The following NTM variants were observed in gnomAD, a reference collection of about 807,000 sequenced individuals.
NTM encodes neurotrimin.
Under a neutral mutation model 42.1 loss-of-function variants are expected in NTM, and 13 were observed. That is an observed-to-expected ratio of 0.31 (90% CI 0.20 to 0.49). The LOEUF (loss-of-function observed/expected upper bound fraction) is 0.49. Among genes scored for constraint, NTM ranks in the 20% least tolerant of loss-of-function variants. The probability of loss-of-function intolerance (pLI) is 0.99; values close to 1 mark genes in which losing one functional copy is unlikely to be tolerated. For missense variants in NTM, 373 were observed against 452.8 expected, an observed-to-expected ratio of 0.82 and a Z score of 1.60; for synonymous variants, 187 against 179.2, an observed-to-expected ratio of 1.04 and a Z score of -0.35.
chr11:131,574,233 G>T (rs2057722995), intron 1 of NTM, among the ~76,000 whole-genome samples: 1 of 152,088 alleles, frequency 6.6e-6, no homozygotes. Flanking sequence ...CCATTCAGGG[G>T]TGGCTGCAAT....
At chr11:131,491,176 G>C (rs1051639459) in intron 1 of NTM, among the ~76,000 whole-genome samples, 9 of 152,076 alleles carry the variant, frequency 5.9e-5, no homozygotes, top group Admixed American at 1.3e-4. Context: ...ATCATGATTT[G>C]GGAAGCTGAA....
intron 1 of NTM, among the ~76,000 whole-genome samples, chr11:131,479,816 A>T (rs573245084): frequency 7.2e-4 from 110 of 152,344 alleles, no homozygotes; most frequent in African/African-American, 2.5e-3. Flanking sequence ...ACAGAAAGCA[A>T]GTCAGGCACT....
At chr11:131,736,955 G>T (rs529764486) in intron 1 of NTM, among the ~76,000 whole-genome samples, 1 of 152,308 alleles carries the variant, frequency 6.6e-6, no homozygotes, top group Non-Finnish European at 1.5e-5. Flanking sequence ...TGACTATGCA[G>T]GGAGCAATGC....
chr11:132,219,097 C>A (rs2084549979), intron 4 of NTM, among the ~76,000 whole-genome samples: 1 of 152,192 alleles, frequency 6.6e-6, no homozygotes. Flanking sequence ...ATTCTCCACA[C>A]ACTAGATGTC....
chr11:131,490,039 T>C (rs774509395), intron 1 of NTM, among the ~76,000 whole-genome samples: 26 of 152,328 alleles, frequency 1.7e-4, no homozygotes, highest in Non-Finnish European at 3.2e-4. Context: ...AGAGATTGCA[T>C]GGCGAGAGAG....
chr11:131,380,792 T>C (rs1231189362), intron 1 of NTM, among the ~76,000 whole-genome samples: 1 of 152,208 alleles, frequency 6.6e-6, no homozygotes, highest in Non-Finnish European at 1.5e-5. Flanking sequence ...CTCTGTCGAC[T>C]CAAGGTGAGC....
intron 1 of NTM, among the ~76,000 whole-genome samples, chr11:131,533,225 C>A (rs1194630849): frequency 6.6e-6 from 1 of 152,156 alleles, no homozygotes; most frequent in Non-Finnish European, 1.5e-5. Flanking sequence ...AAAACCACTG[C>A]AAAATCGTCT....
intron 1 of NTM, among the ~76,000 whole-genome samples, chr11:131,671,295 C>A (rs541445243): frequency 5.4e-4 from 83 of 152,344 alleles, no homozygotes; most frequent in African/African-American, 1.9e-3. Context: ...CCTAGCCTCC[C>A]TGGGGCGCTA....
chr11:131,993,597 G>A (rs1158017990), intron 2 of NTM, among the ~76,000 whole-genome samples: 1 of 152,186 alleles, frequency 6.6e-6, no homozygotes, highest in Non-Finnish European at 1.5e-5. Flanking sequence ...TGAAGACAGT[G>A]TGTGCAGATT....
intron 1 of NTM, among the ~76,000 whole-genome samples, chr11:131,843,822 T>C (rs2044585646): frequency 6.6e-6 from 1 of 152,194 alleles, no homozygotes; most frequent in Admixed American, 6.5e-5. Context: ...ATTTTCCTCT[T>C]AGTGAATTGC....
intron 1 of NTM, among the ~76,000 whole-genome samples, chr11:131,693,941 A>C (rs1051264170): frequency 3.9e-5 from 6 of 152,226 alleles, no homozygotes; most frequent in Non-Finnish European, 8.8e-5. Context: ...TTTCAGGAAG[A>C]GGTGGAAGAG....
intron 1 of NTM, among the ~76,000 whole-genome samples, chr11:131,673,908 G>A (rs789537): frequency 0.069 from 10,448 of 152,336 alleles, 370 homozygotes; most frequent in Non-Finnish European, 0.082. Flanking sequence ...GTCTGTTGGT[G>A]TCAGACTCTG....
chr11:131,874,629 GT>G (rs1242225584), intron 1 of NTM, among the ~76,000 whole-genome samples: 2 of 152,128 alleles, frequency 1.3e-5, no homozygotes, highest in Non-Finnish European at 2.9e-5. Context: ...CTAGCAATTA[GT>G]TTAATAAAAA....
chr11:131,962,310 A>G (rs2105606), intron 2 of NTM, among the ~76,000 whole-genome samples: 46,472 of 152,130 alleles, frequency 0.31, 7,490 homozygotes, highest in Middle Eastern at 0.45. Flanking sequence ...AACCAAACAC[A>G]TTTCTAATGT....
chr11:132,311,112 G>A (rs2095267388), intron 6 of NTM, among the ~76,000 whole-genome samples: 1 of 152,200 alleles, frequency 6.6e-6, no homozygotes, highest in Non-Finnish European at 1.5e-5. Context: ...AGGGCATTCT[G>A]AGAAGGAGAG....
chr11:132,153,120 G>A (rs1224642326), intron 3 of NTM, among the ~76,000 whole-genome samples: 1 of 152,206 alleles, frequency 6.6e-6, no homozygotes, highest in Non-Finnish European at 1.5e-5. Context: ...CAGCCACTGA[G>A]TTCTTACCCC....
Position 132,335,500 on chromosome 11 carries a change from C to G in NTM, c.*354C>G, listed in dbSNP as rs11634. 4.0e-6 allele frequency: 1 copy of G among 250,278 alleles called. No homozygotes were observed. The highest frequency in any genetic ancestry group is 4.8e-5 in the South Asian group (1 of 20,674). The allele number at this position is 250,278 out of a possible 1,614,324, so 15.5% of individuals were successfully genotyped here. On this transcript the variant is annotated 3_prime_UTR_variant, in exon 9 of 9. Transcript: ENST00000683400. Reference sequence around the variant, plus strand: ...CCTCTCTGCCCACAGAGTGCCCCCACGTGGAACATTCTGGAGCTGGCCATC... The same window carrying G: ...CCTCTCTGCCCACAGAGTGCCCCCAGGTGGAACATTCTGGAGCTGGCCATC...
At chr11:131,600,515 A>G (rs2060386925) in intron 1 of NTM, among the ~76,000 whole-genome samples, 1 of 152,244 alleles carries the variant, frequency 6.6e-6, no homozygotes, top group South Asian at 2.1e-4. Context: ...AGGTTTCACA[A>G]GCATTTTAAT....
chr11:131,879,274 T>C (rs1388166266), intron 1 of NTM, among the ~76,000 whole-genome samples: 1 of 152,196 alleles, frequency 6.6e-6, no homozygotes, highest in Non-Finnish European at 1.5e-5. Context: ...ACAGAAGTGA[T>C]GCTGTGCTTT....
Sources: gnomAD v4.1 joint callset for allele counts (sites outside exome capture counted in the v4.1 genomes callset) on GRCh38, gnomAD v4.1.1 for gene constraint, MANE v1.5 for transcripts, NCBI Gene and HGNC (gene_info 2026-07-23, HGNC 2026-07-21) for gene names.